Variants in CPQ observed in about 807,000 individuals in gnomAD.
CPQ encodes the protein Ser-Met dipeptidase.
A neutral mutation model predicts 45.7 loss-of-function variants in CPQ; 37 were observed. The observed-to-expected ratio is 0.81, with a 90% CI of 0.62 to 1.07. CPQ has a LOEUF of 1.07. Among genes scored for constraint, CPQ ranks in the 50% least tolerant of loss-of-function variants. The probability of loss-of-function intolerance (pLI) is 0.00; values close to 1 mark genes in which losing one functional copy is unlikely to be tolerated. For synonymous variants in CPQ, 186 were observed against 205.8 expected, an observed-to-expected ratio of 0.90 and a Z score of 0.82; for missense variants, 537 against 572.9, an observed-to-expected ratio of 0.94 and a Z score of 0.64.
chr8:97,100,907 C>T (rs905845306), intron 7 of CPQ, among the ~76,000 whole-genome samples: 1 of 152,176 alleles, frequency 6.6e-6, no homozygotes, highest in African/African-American at 2.4e-5. Context: ...TATTTTAGTA[C>T]TCCTAAGTAT....
chr8:96,766,694 A>G (rs1810472267), intron 1 of CPQ, among the ~76,000 whole-genome samples: 1 of 152,072 alleles, frequency 6.6e-6, no homozygotes, highest in Admixed American at 6.6e-5. Flanking sequence ...TTCAAGTATA[A>G]CTCAGGTTTA....
chr8:96,832,999 G>T (rs760217116), intron 2 of CPQ, among the ~76,000 whole-genome samples: 4 of 152,080 alleles, frequency 2.6e-5, no homozygotes, highest in Non-Finnish European at 4.4e-5. Flanking sequence ...CAAAAGAGAG[G>T]TAATGAGGGC....
intron 7 of CPQ, among the ~76,000 whole-genome samples, chr8:97,125,142 G>A (rs1349761388): frequency 5.3e-5 from 8 of 151,960 alleles, no homozygotes; most frequent in Non-Finnish European, 1.2e-4. Context: ...ATTCAACAAC[G>A]CAGATGACAT....
chr8:96,762,884 AG>A (rs1413702046), intron 1 of CPQ, among the ~76,000 whole-genome samples: 1 of 152,126 alleles, frequency 6.6e-6, no homozygotes, highest in Non-Finnish European at 1.5e-5. Context: ...GTTTATGGTA[AG>A]AGGTGTGGTG....
intron 1 of CPQ, among the ~76,000 whole-genome samples, chr8:96,668,991 T>C (rs997178664): frequency 6.6e-6 from 1 of 152,182 alleles, no homozygotes; most frequent in Non-Finnish European, 1.5e-5. Context: ...CAGAAAAAAT[T>C]GTGGCCCCAC....
chr8:97,130,510 A>G (rs1192710400), intron 7 of CPQ, among the ~76,000 whole-genome samples: 1 of 139,336 alleles, frequency 7.2e-6, no homozygotes, highest in East Asian at 2.1e-4. Flanking sequence ...CTTTAATTAT[A>G]TTTTGTGTGG....
chr8:96,874,202 G>A (rs573533611), intron 3 of CPQ, among the ~76,000 whole-genome samples: 4 of 151,870 alleles, frequency 2.6e-5, no homozygotes, highest in South Asian at 4.1e-4. Flanking sequence ...CATCTCATAA[G>A]CCAAGTCCAT....
At chr8:97,052,627 A>G (rs1810381926) in intron 6 of CPQ, among the ~76,000 whole-genome samples, 1 of 152,110 alleles carries the variant, frequency 6.6e-6, no homozygotes, top group Non-Finnish European at 1.5e-5. Context: ...TGGTGAGTCT[A>G]ACATATGGGA....
intron 5 of CPQ, among the ~76,000 whole-genome samples, chr8:96,967,419 G>A (rs1813585153): frequency 6.6e-6 from 1 of 152,156 alleles, no homozygotes; most frequent in African/African-American, 2.4e-5. Context: ...AAGCTTCAGA[G>A]TATTTCATTT....
chr8:96,745,725 G>A (rs773051975), intron 1 of CPQ, among the ~76,000 whole-genome samples: 1 of 152,182 alleles, frequency 6.6e-6, no homozygotes, highest in Admixed American at 6.5e-5. Context: ...ACATCACAGA[G>A]AGGTGAACTG....
chr8:97,002,210 C>A (rs1809295929), intron 5 of CPQ, among the ~76,000 whole-genome samples: 1 of 151,964 alleles, frequency 6.6e-6, no homozygotes, highest in African/African-American at 2.4e-5. Flanking sequence ...TTCAAAGAAT[C>A]AACTCTTGGA....
chr8:96,658,369 GT>G (rs1209083399), intron 1 of CPQ, among the ~76,000 whole-genome samples: 2 of 152,176 alleles, frequency 1.3e-5, no homozygotes, highest in African/African-American at 4.8e-5. Flanking sequence ...CAAATTTGAG[GT>G]CTACCACCAT....
intron 1 of CPQ, among the ~76,000 whole-genome samples, chr8:96,717,481 T>TG (rs1337569415): frequency 1.3e-5 from 2 of 152,118 alleles, no homozygotes; most frequent in Non-Finnish European, 2.9e-5. Context: ...AGTCTGAAGC[T>TG]GGGTAATTTG....
At chr8:96,654,542 C>CTAA (rs146006171) in intron 1 of CPQ, among the ~76,000 whole-genome samples, 7,578 of 152,128 alleles carry the variant, frequency 0.05, 248 homozygotes, top group Middle Eastern at 0.12. Flanking sequence ...TTATGATCCC[C>CTAA]TAATCTAGAG....
At chr8:96,715,153 C>A (rs1195256820) in intron 1 of CPQ, among the ~76,000 whole-genome samples, 2 of 152,084 alleles carry the variant, frequency 1.3e-5, no homozygotes, top group African/African-American at 2.4e-5. Flanking sequence ...GGGTAAAAAA[C>A]CAGTGTGGCC....
intron 4 of CPQ, among the ~76,000 whole-genome samples, chr8:96,909,537 G>T (rs1290114459): frequency 6.6e-6 from 1 of 152,174 alleles, no homozygotes; most frequent in Non-Finnish European, 1.5e-5. Context: ...TCCTTTTAAT[G>T]AGAGGGAGAG....
intron 1 of CPQ, among the ~76,000 whole-genome samples, chr8:96,668,000 A>C (rs1248840544): frequency 6.6e-6 from 1 of 152,192 alleles, no homozygotes; most frequent in Non-Finnish European, 1.5e-5. Flanking sequence ...TCTGGGCATA[A>C]ATTTAAAAAA....
intron 1 of CPQ, among the ~76,000 whole-genome samples, chr8:96,730,778 G>A (rs1809900849): frequency 6.7e-6 from 1 of 149,488 alleles, no homozygotes; most frequent in Admixed American, 6.7e-5. Flanking sequence ...TGTGGCCAGG[G>A]CAACGGGCTT....
intron 4 of CPQ, among the ~76,000 whole-genome samples, chr8:96,920,206 G>T (rs7832315): frequency 0.031 from 4,646 of 152,134 alleles, 248 homozygotes; most frequent in African/African-American, 0.11. Context: ...GGGGATGGAG[G>T]GGTTGGGAAC....
Sources: allele counts gnomAD v4.1 joint callset (sites outside exome capture counted in the v4.1 genomes callset), GRCh38; gene constraint gnomAD v4.1.1; transcripts MANE v1.5; gene names NCBI Gene and HGNC (gene_info 2026-07-23, HGNC 2026-07-21).